SULF1: variants seen among roughly 807,000 people sequenced by gnomAD.
SULF1 encodes the protein extracellular sulfatase Sulf-1.
SULF1 carries 46 observed loss-of-function variants against 110.5 expected under a neutral mutation model. The observed-to-expected ratio is 0.42, with a 90% CI of 0.33 to 0.53. The LOEUF (loss-of-function observed/expected upper bound fraction) is 0.53, where lower values mean the gene tolerates loss of function less well. Among genes scored for constraint, SULF1 ranks in the 20% least tolerant of loss-of-function variants. The pLI, the probability that SULF1 is intolerant of heterozygous loss-of-function variation, is 0.12. For missense variants in SULF1, 941 were observed against 1,094.2 expected (o/e 0.86, Z 1.98); for synonymous variants, 371 against 387.1 (o/e 0.96, Z 0.49).
At chr8:69,533,146 A>G (rs1404292263) in intron 3 of SULF1, among the ~76,000 whole-genome samples, 2 of 152,332 alleles carry the variant, frequency 1.3e-5, no homozygotes, top group East Asian at 3.9e-4. Context: ...CCCAGCAAGG[A>G]CAGGGTTGTG....
At chr8:69,528,678 G>A (rs772634098) in intron 3 of SULF1, among the ~76,000 whole-genome samples, 3 of 152,142 alleles carry the variant, frequency 2.0e-5, no homozygotes, top group Non-Finnish European at 4.4e-5. Flanking sequence ...TTTAGCTTGG[G>A]GAATGAAATA....
chr8:69,598,125 G>T (rs1035530325), intron 8 of SULF1, among the ~76,000 whole-genome samples: 2 of 151,402 alleles, frequency 1.3e-5, no homozygotes, highest in Non-Finnish European at 2.9e-5. Flanking sequence ...AAAAAAAAAG[G>T]GGGGGACCAT....
chr8:69,546,636 T>C (rs75123448), intron 3 of SULF1, among the ~76,000 whole-genome samples: 2,632 of 152,366 alleles, frequency 0.017, 80 homozygotes, highest in African/African-American at 0.056. Context: ...AAAATCAACG[T>C]ATCTTCAAGG....
At chr8:69,559,304 G>A (rs915586856) in intron 3 of SULF1, among the ~76,000 whole-genome samples, 2 of 152,132 alleles carry the variant, frequency 1.3e-5, no homozygotes, top group Admixed American at 6.5e-5. Context: ...TACTTCAAAT[G>A]CATTTTTTAT....
intron 6 of SULF1, 48 bp downstream of exon 6, chr8:69,576,257 G>C: frequency 6.4e-7 from 1 of 1,564,908 alleles, no homozygotes; most frequent in Non-Finnish European, 8.7e-7. Context: ...ATATGTCTTA[G>C]ACTCAGGAAG....
chr8:69,526,859 AAAGAAGGAGGAAG>A (rs1812729867), intron 3 of SULF1, among the ~76,000 whole-genome samples: 1 of 145,134 alleles, frequency 6.9e-6, no homozygotes, highest in African/African-American at 2.5e-5. Context: ...GGAAGGAAGG[AAAGAAGGAGGAAG>A]GGAAGGGAAG....
rs1812554003 is a variant in SULF1 at position 69,654,253 on chromosome 8, C to A, written c.2586-4252C>A. On this transcript the variant is annotated intron_variant, in intron 22 of 22. Coordinates refer to ENST00000402687, the MANE Select transcript of SULF1 (RefSeq NM_001128205.2). ...TATTCCTCCATCTCTCCATTTATGA[C>A]CAAAGTTTTCCACCTTCGGAAGAGA... Among the ~76,000 whole-genome samples, 4 of 152,304 alleles carry A rather than the reference C, an allele frequency of 2.6e-5. No individual in the cohort carries two copies. In the South Asian group the frequency reaches 8.3e-4, roughly 32 times the overall value.
At chr8:69,554,333 C>T (rs1814935055) in intron 3 of SULF1, among the ~76,000 whole-genome samples, 1 of 152,084 alleles carries the variant, frequency 6.6e-6, no homozygotes, top group African/African-American at 2.4e-5. Flanking sequence ...CCTTAAATGT[C>T]CCTGGACCTA....
intron 6 of SULF1, among the ~76,000 whole-genome samples, chr8:69,583,814 G>A (rs1323108041): frequency 1.3e-5 from 2 of 152,146 alleles, no homozygotes; most frequent in African/African-American, 4.8e-5. Context: ...TACCACAATG[G>A]AGAAAGGGAA....
At chr8:69,616,560 C>G (rs1487302634) in intron 13 of SULF1, among the ~76,000 whole-genome samples, 1 of 152,030 alleles carries the variant, frequency 6.6e-6, no homozygotes, top group Non-Finnish European at 1.5e-5. Flanking sequence ...TGCCACCATG[C>G]CCAGCTAATT....
intron 5 of SULF1, 137 bp downstream of exon 5, chr8:69,564,284 T>C (rs1440080200): frequency 9.6e-7 from 1 of 1,044,484 alleles, no homozygotes; most frequent in Non-Finnish European, 1.4e-6. Context: ...CGCAATGAAC[T>C]TGTATTGACC....
rs1815708073 is a variant in SULF1 at position 69,564,246 on chromosome 8, A to G, written c.172+99A>G. The G allele has an allele frequency of 4.3e-6, 6 of 1,405,376 alleles. No individual in the cohort carries two copies. The South Asian group carries it at 6.3e-5, about 15-fold the overall frequency. 87.1% of individuals were successfully genotyped at this position (1,405,376 alleles called of 1,614,324 possible). A position where few individuals can be genotyped will look rare whatever the true frequency, so the allele number is the denominator to read the frequency against. Reference sequence around the variant, plus strand: ...ACATTCTGAGGCTTTGCACTTAATTATTGCACATTAACCAACACCCTAGTT... The same window carrying G: ...ACATTCTGAGGCTTTGCACTTAATTGTTGCACATTAACCAACACCCTAGTT... On this transcript the variant is annotated intron_variant, in intron 5 of 22. Transcript: ENST00000402687.
Position 69,502,692 on chromosome 8 carries a change from T to TTC in SULF1, c.-134+725_-134+726insCT, listed in dbSNP as rs1243126459. Among the ~76,000 whole-genome samples the TTC allele has an allele frequency of 7.7e-5, 11 of 142,646 alleles. 1 individual carries two copies. The highest frequency in any genetic ancestry group is 4.9e-4 in the Admixed American group (7 of 14,430). 93.6% of individuals were successfully genotyped at this position (142,646 alleles called of 152,430 possible). A position where few individuals can be genotyped will look rare whatever the true frequency, so the allele number is the denominator to read the frequency against. On this transcript the variant is annotated intron_variant, in intron 3 of 22. Coordinates refer to ENST00000402687, the MANE Select transcript of SULF1 (RefSeq NM_001128205.2). ...TTCTTTTCTTTTTCTTTTTTTTTCT[T>TTC]TTTTTTTTTTTTTGAGAGGAAGTCT...
chr8:69,544,431 G>A (rs1481141367), intron 3 of SULF1, among the ~76,000 whole-genome samples: 1 of 151,946 alleles, frequency 6.6e-6, no homozygotes, highest in Non-Finnish European at 1.5e-5. Context: ...ACCACAGCTG[G>A]CTAATTTTTG....
At chr8:69,608,502 A>G (rs922339357) in intron 13 of SULF1, among the ~76,000 whole-genome samples, 1 of 152,190 alleles carries the variant, frequency 6.6e-6, no homozygotes, top group Non-Finnish European at 1.5e-5. Context: ...CGACATAGTC[A>G]TAGTGAAACC....
intron 3 of SULF1, among the ~76,000 whole-genome samples, chr8:69,543,220 GTTTA>G (rs1813982561): frequency 6.6e-6 from 1 of 151,966 alleles, no homozygotes; most frequent in Admixed American, 6.5e-5. Flanking sequence ...TGTTGTTGTT[GTTTA>G]TTTCTTTTAA....
intron 3 of SULF1, among the ~76,000 whole-genome samples, chr8:69,524,445 G>C (rs1298629339): frequency 6.6e-6 from 1 of 152,032 alleles, no homozygotes; most frequent in African/African-American, 2.4e-5. Flanking sequence ...GTGAGGTGCC[G>C]TGCTCTTTTC....
intron 5 of SULF1, among the ~76,000 whole-genome samples, chr8:69,565,604 AC>A (rs1165197343): frequency 6.6e-6 from 1 of 151,944 alleles, no homozygotes; most frequent in Non-Finnish European, 1.5e-5. Context: ...CCGGTTTGTC[AC>A]CTGGCCTGCC....
chr8:69,480,016 T>C (rs369224517), intron 1 of SULF1, among the ~76,000 whole-genome samples: 3 of 152,072 alleles, frequency 2.0e-5, no homozygotes, highest in East Asian at 3.9e-4. Context: ...AAAGCTTTTT[T>C]TTTTTCAGAT....
Sources: gnomAD v4.1 joint callset for allele counts (sites outside exome capture counted in the v4.1 genomes callset) on GRCh38, gnomAD v4.1.1 for gene constraint, MANE v1.5 for transcripts, NCBI Gene and HGNC (gene_info 2026-07-23, HGNC 2026-07-21) for gene names.